The following RSRC1 variants were observed in gnomAD, a reference collection of about 807,000 sequenced individuals.
The protein encoded by RSRC1 is arginine and serine rich coiled-coil 1.
Under a neutral mutation model 49.1 loss-of-function variants are expected in RSRC1, and 39 were observed. The observed-to-expected ratio is 0.79, with a 90% CI of 0.61 to 1.04. The LOEUF (loss-of-function observed/expected upper bound fraction) is 1.04, where lower values mean the gene tolerates loss of function less well. Among genes scored for constraint, RSRC1 ranks in the 50% least tolerant of loss-of-function variants. RSRC1 has a pLI of 0.00. For missense variants in RSRC1, 388 were observed against 402.4 expected, an observed-to-expected ratio of 0.96 and a Z score of 0.31; for synonymous variants, 143 against 130.8, an observed-to-expected ratio of 1.09 and a Z score of -0.63.
rs533911570 is a variant in RSRC1 at position 158,158,929 on chromosome 3, ACT to A, written c.320+34941_320+34942del. The stretch of plus-strand genomic sequence containing the variant: ...ACTCCAGCCTTGGCAACAGAGTGAG[ACT>A]CTGTCTCAAAAAAAAAAAAAAAAAG... On this transcript the variant is annotated intron_variant, in intron 3 of 9. Coordinates refer to ENST00000611884, the MANE Select transcript of RSRC1 (RefSeq NM_001271838.2). Among the ~76,000 whole-genome samples, 87 of 129,466 alleles carry A rather than the reference ACT, an allele frequency of 6.7e-4. 2 individuals are homozygous for A. In the South Asian group the frequency reaches 9.0e-3, roughly 13 times the overall value. The allele number at this position is 129,466 out of a possible 152,430, so 84.9% of individuals were successfully genotyped here. A position where few individuals can be genotyped will look rare whatever the true frequency, so the allele number is the denominator to read the frequency against.
intron 3 of RSRC1, among the ~76,000 whole-genome samples, chr3:158,191,869 A>G (rs1357442001): frequency 6.6e-6 from 1 of 152,022 alleles, no homozygotes; most frequent in African/African-American, 2.4e-5. Context: ...TTTGTAAGTA[A>G]AGTTAGTTAA....
At chr3:158,189,156 C>T (rs1266862979) in intron 3 of RSRC1, among the ~76,000 whole-genome samples, 2 of 151,692 alleles carry the variant, frequency 1.3e-5, no homozygotes, top group Admixed American at 1.3e-4. Context: ...TATTTTCTTC[C>T]TTAATTGCAC....
At chr3:158,517,225 G>A (rs1158747497) in intron 7 of RSRC1, among the ~76,000 whole-genome samples, 5 of 152,152 alleles carry the variant, frequency 3.3e-5, no homozygotes, top group African/African-American at 1.2e-4. Context: ...TAGAAATGAA[G>A]TTGATTCTTG....
chr3:158,526,817 A>G (rs1712059896), intron 7 of RSRC1, among the ~76,000 whole-genome samples: 1 of 151,990 alleles, frequency 6.6e-6, no homozygotes, highest in Non-Finnish European at 1.5e-5. Flanking sequence ...CAATTATGTT[A>G]GGTATCCATT....
intron 6 of RSRC1, among the ~76,000 whole-genome samples, chr3:158,417,784 C>T (rs577158936): frequency 6.7e-6 from 1 of 150,012 alleles, no homozygotes; most frequent in South Asian, 2.1e-4. Flanking sequence ...TTATTTTATC[C>T]TATATATTAT....
At chr3:158,230,257 G>A (rs947585934) in intron 4 of RSRC1, among the ~76,000 whole-genome samples, 29 of 152,036 alleles carry the variant, frequency 1.9e-4, no homozygotes, top group African/African-American at 6.8e-4. Context: ...CAAAAAAGTG[G>A]TATCATGTCC....
intron 4 of RSRC1, among the ~76,000 whole-genome samples, chr3:158,281,097 GATATAA>G (rs150067183): frequency 0.14 from 20,842 of 152,022 alleles, 1,533 homozygotes; most frequent in Middle Eastern, 0.21. Flanking sequence ...GGTGGCAGTT[GATATAA>G]ATATAGATAG....
rs200122565 is a variant in RSRC1 at position 158,184,987 on chromosome 3, GT to G, written c.321-18081del. On this transcript the variant is annotated intron_variant, in intron 3 of 9. Coordinates refer to ENST00000611884, the MANE Select transcript of RSRC1 (RefSeq NM_001271838.2). The stretch of plus-strand genomic sequence containing the variant: ...ATTAATGTTGATTACAAAGCACATA[GT>G]TTTCGGAGTTTGATTTTACAATCAT... Among the ~76,000 whole-genome samples the G allele has an allele frequency of 9.0e-3, 1,363 of 150,830 alleles. 8 individuals carry two copies. The highest frequency in any genetic ancestry group is 0.013 in the Non-Finnish European group (850 of 67,656).
rs1050311550 is a variant in RSRC1, at chr3:158,274,139, A to G, written c.495-23900A>G. ...ATTCTTTAATAGATAAAGAGTATCC[A>G]TATAATGAATGAGATTTAAACAGTG... On this transcript the variant is annotated intron_variant, in intron 4 of 9. Coordinates refer to ENST00000611884, the MANE Select transcript of RSRC1 (RefSeq NM_001271838.2). Among the ~76,000 whole-genome samples the G allele has an allele frequency of 3.3e-5, 5 of 152,278 alleles. No homozygotes were observed. In the Middle Eastern group the frequency reaches 0.01, roughly 311 times the overall value.
intron 1 of RSRC1, among the ~76,000 whole-genome samples, chr3:158,113,048 T>C (rs1192378779): frequency 6.6e-6 from 1 of 152,234 alleles, no homozygotes. Context: ...CTATCATTGA[T>C]GGGCATTTAG....
At chr3:158,311,193 G>A (rs2108143726) in intron 5 of RSRC1, among the ~76,000 whole-genome samples, 1 of 151,850 alleles carries the variant, frequency 6.6e-6, no homozygotes, top group East Asian at 1.9e-4. Flanking sequence ...AATACTTTAT[G>A]CTCATTATTA....
At chr3:158,358,908 A>G (rs949239174) in intron 6 of RSRC1, among the ~76,000 whole-genome samples, 4 of 112,446 alleles carry the variant, frequency 3.6e-5, no homozygotes, top group Non-Finnish European at 7.1e-5. Flanking sequence ...GTGTGTATAT[A>G]TATATATACA....
chr3:158,442,541 T>TG (rs1560044557), intron 6 of RSRC1, among the ~76,000 whole-genome samples: 1 of 152,072 alleles, frequency 6.6e-6, no homozygotes, highest in Non-Finnish European at 1.5e-5. Context: ...CTTGCTATTT[T>TG]TACCACAAAC....
chr3:158,490,228 G>T (rs1404941913), intron 7 of RSRC1, among the ~76,000 whole-genome samples: 1 of 152,118 alleles, frequency 6.6e-6, no homozygotes, highest in Non-Finnish European at 1.5e-5. Flanking sequence ...GGTACTACAG[G>T]CATCCGCCAC....
chr3:158,177,645 G>T (rs1226269497), intron 3 of RSRC1, among the ~76,000 whole-genome samples: 1 of 151,882 alleles, frequency 6.6e-6, no homozygotes, highest in Non-Finnish European at 1.5e-5. Flanking sequence ...GCCTGTCAGA[G>T]TGTGGGGGGC....
At chr3:158,158,016 T>C (rs1275321806) in intron 3 of RSRC1, among the ~76,000 whole-genome samples, 2 of 152,136 alleles carry the variant, frequency 1.3e-5, no homozygotes, top group Non-Finnish European at 2.9e-5. Context: ...AGGCAAAAGC[T>C]TATCTTCTGA....
At chr3:158,490,224 A>G (rs962111056) in intron 7 of RSRC1, among the ~76,000 whole-genome samples, 1 of 152,160 alleles carries the variant, frequency 6.6e-6, no homozygotes, top group Non-Finnish European at 1.5e-5. Flanking sequence ...AGTTGGTACT[A>G]CAGGCATCCG....
chr3:158,352,356 G>T (rs1161669838), intron 5 of RSRC1, among the ~76,000 whole-genome samples: 2 of 152,120 alleles, frequency 1.3e-5, no homozygotes, highest in Non-Finnish European at 2.9e-5. Context: ...GAGAGGAAGA[G>T]ATCTTCTATA....
chr3:158,400,941 G>A (rs1328755640), intron 6 of RSRC1, among the ~76,000 whole-genome samples: 2 of 151,964 alleles, frequency 1.3e-5, no homozygotes, highest in Non-Finnish European at 2.9e-5. Context: ...GTCCTATGCA[G>A]CTGTCCATTT....
Sources: gnomAD v4.1 joint callset for allele counts (sites outside exome capture counted in the v4.1 genomes callset) on GRCh38, gnomAD v4.1.1 for gene constraint, MANE v1.5 for transcripts, NCBI Gene and HGNC (gene_info 2026-07-23, HGNC 2026-07-21) for gene names.